RNF220: variants seen among roughly 807,000 people sequenced by gnomAD.
RNF220 encodes the protein E3 ubiquitin-protein ligase RNF220.
RNF220 carries 7 observed loss-of-function variants against 67.1 expected under a neutral mutation model. The ratio of observed to expected loss-of-function variants is 0.10; its 90% CI spans 0.06 to 0.20. The LOEUF (loss-of-function observed/expected upper bound fraction) is 0.20, where lower values mean the gene tolerates loss of function less well. Ranked by LOEUF, RNF220 falls within the 10% of genes least tolerant of loss-of-function variation. The pLI, the probability that RNF220 is intolerant of heterozygous loss-of-function variation, is 1.00. For missense variants in RNF220, 565 were observed against 740.3 expected, an observed-to-expected ratio of 0.76 and a Z score of 2.75; for synonymous variants, 270 against 283.2, an observed-to-expected ratio of 0.95 and a Z score of 0.47.
intron 2 of RNF220, among the ~76,000 whole-genome samples, chr1:44,601,860 TC>T (rs1356466207): frequency 9.2e-5 from 14 of 152,128 alleles, no homozygotes; most frequent in Admixed American, 1.3e-4. Flanking sequence ...TTTGTGATTT[TC>T]CCCAGCTGTG....
intron 2 of RNF220, among the ~76,000 whole-genome samples, chr1:44,511,869 A>T (rs1230290811): frequency 6.6e-6 from 1 of 151,788 alleles, no homozygotes; most frequent in Non-Finnish European, 1.5e-5. Context: ...AGGGGGAAAA[A>T]ATCTGTCATC....
intron 2 of RNF220, among the ~76,000 whole-genome samples, chr1:44,537,882 T>C (rs912361123): frequency 3.3e-5 from 5 of 152,252 alleles, no homozygotes; most frequent in African/African-American, 1.2e-4. Context: ...AGAAGTCTTT[T>C]GGCAAATGTA....
intron 2 of RNF220, among the ~76,000 whole-genome samples, chr1:44,443,117 A>C (rs1242835350): frequency 1.3e-5 from 2 of 152,214 alleles, no homozygotes; most frequent in Non-Finnish European, 2.9e-5. Context: ...AGCTTCACTC[A>C]TGTGTATCTG....
chr1:44,433,602 G>A (rs1650641323), intron 2 of RNF220, among the ~76,000 whole-genome samples: 1 of 152,232 alleles, frequency 6.6e-6, no homozygotes, highest in African/African-American at 2.4e-5. Flanking sequence ...ACTGCAGGGT[G>A]TAATATTTTT....
chr1:44,521,578 G>A (rs961347100), intron 2 of RNF220, among the ~76,000 whole-genome samples: 1 of 152,142 alleles, frequency 6.6e-6, no homozygotes, highest in African/African-American at 2.4e-5. Context: ...GTGGGTGTGG[G>A]TGGGGGCAGG....
chr1:44,480,394 G>A (rs866872089), intron 2 of RNF220, among the ~76,000 whole-genome samples: 6 of 151,660 alleles, frequency 4.0e-5, no homozygotes, highest in Non-Finnish European at 7.4e-5. Flanking sequence ...GCAACAAAGT[G>A]ACTCTGTCTC....
At chr1:44,406,606 T>G (rs1647354377) in intron 1 of RNF220, among the ~76,000 whole-genome samples, 1 of 152,246 alleles carries the variant, frequency 6.6e-6, no homozygotes, top group Non-Finnish European at 1.5e-5. Flanking sequence ...CCGCCGCGCT[T>G]GTCAGCCCGG....
chr1:44,612,230 TC>T (rs1557436815), intron 2 of RNF220, among the ~76,000 whole-genome samples: 2 of 152,332 alleles, frequency 1.3e-5, no homozygotes, highest in East Asian at 3.9e-4. Flanking sequence ...CTGTTCTTCA[TC>T]CCCACCTTTC....
chr1:44,599,106 T>C (rs1476792536), intron 2 of RNF220, among the ~76,000 whole-genome samples: 1 of 152,038 alleles, frequency 6.6e-6, no homozygotes, highest in African/African-American at 2.4e-5. Flanking sequence ...AATCAGAGAA[T>C]CTCTCTGCCC....
chr1:44,547,640 G>A (rs1432317407), intron 2 of RNF220, among the ~76,000 whole-genome samples: 1 of 152,030 alleles, frequency 6.6e-6, no homozygotes, highest in Non-Finnish European at 1.5e-5. Context: ...TCCTGCAGCT[G>A]CAGCTATTAT....
chr1:44,408,203 T>G (rs936369970), intron 1 of RNF220, among the ~76,000 whole-genome samples: 1 of 152,130 alleles, frequency 6.6e-6, no homozygotes, highest in Admixed American at 6.5e-5. Context: ...TCGAGACTCT[T>G]CCGAGCTGAA....
At chr1:44,426,937 A>G (rs751072110) in intron 2 of RNF220, among the ~76,000 whole-genome samples, 2 of 152,174 alleles carry the variant, frequency 1.3e-5, no homozygotes, top group Non-Finnish European at 2.9e-5. Context: ...TAACCAAGCC[A>G]GATGCATTTA....
chr1:44,447,378 C>T (rs1256866143), intron 2 of RNF220, among the ~76,000 whole-genome samples: 1 of 152,188 alleles, frequency 6.6e-6, no homozygotes, highest in Admixed American at 6.5e-5. Context: ...CAAGATAGTA[C>T]CTACCCCCTA....
At chr1:44,585,597 C>T (rs1033034682) in intron 2 of RNF220, among the ~76,000 whole-genome samples, 17 of 152,192 alleles carry the variant, frequency 1.1e-4, no homozygotes, top group Admixed American at 3.3e-4. Context: ...ATCTCTTACT[C>T]AGCAGATATT....
At chr1:44,518,252 C>T (rs962163574) in intron 2 of RNF220, among the ~76,000 whole-genome samples, 5 of 151,750 alleles carry the variant, frequency 3.3e-5, no homozygotes, top group African/African-American at 1.2e-4. Flanking sequence ...ATAACAAGAC[C>T]CCATCTCTAT....
At chr1:44,587,050 A>G (rs1665749025) in intron 2 of RNF220, among the ~76,000 whole-genome samples, 1 of 149,942 alleles carries the variant, frequency 6.7e-6, no homozygotes, top group African/African-American at 2.5e-5. Context: ...CCTTAACAAC[A>G]TGGGCAAATT....
rs767898667 is a variant in RNF220 at position 44,645,483 on chromosome 1, C to T, written c.1440C>T (p.Ile480=). Reference sequence around the variant, plus strand: ...AGAAGACCTGCAAGAACAGCGACATCGAGAAGTAAGTGTTTGGCCAGGAGA... The same window carrying T: ...AGAAGACCTGCAAGAACAGCGACATTGAGAAGTAAGTGTTTGGCCAGGAGA... ...AMQKTCKNSD[I]EKITEDSAVT... Residue 480 remains isoleucine (I), a synonymous_variant, in exon 12 of 15, where the codon ATC becomes ATT. Coordinates refer to ENST00000361799, the MANE Select transcript of RNF220 (RefSeq NM_018150.4). This position sits in a 1 kb window ranked among gnomAD's most constrained non-coding sequence, Gnocchi z 5.0. 8.1e-6 allele frequency: 13 copies of T among 1,613,868 alleles called. No homozygotes were observed. The highest frequency in any genetic ancestry group is 5.3e-5 in the African/African-American group (4 of 75,024).
intron 2 of RNF220, among the ~76,000 whole-genome samples, chr1:44,553,875 G>A (rs1662866313): frequency 6.6e-6 from 1 of 152,160 alleles, no homozygotes; most frequent in African/African-American, 2.4e-5. Flanking sequence ...GGGATTGAAG[G>A]AGCATATACC....
intron 2 of RNF220, among the ~76,000 whole-genome samples, chr1:44,490,251 C>T (rs1656729574): frequency 6.6e-6 from 1 of 151,478 alleles, no homozygotes; most frequent in South Asian, 2.1e-4. Context: ...GGTGGATCAC[C>T]TGAGGTCAGA....
Sources: gnomAD v4.1 joint callset for allele counts (sites outside exome capture counted in the v4.1 genomes callset) on GRCh38, gnomAD v4.1.1 for gene constraint, Gnocchi (gnomAD v3.1) non-coding constraint, MANE v1.5 for transcripts, NCBI Gene and HGNC (gene_info 2026-07-23, HGNC 2026-07-21) for gene names.